METTL8: variants seen among roughly 807,000 people sequenced by gnomAD.
The protein encoded by METTL8 is methyltransferase 8, tRNA N3-cytidine.
A neutral mutation model predicts 48.7 loss-of-function variants in METTL8; 32 were observed. That is an observed-to-expected ratio of 0.66 (90% CI 0.50 to 0.88). The LOEUF (loss-of-function observed/expected upper bound fraction) is 0.88. Among genes scored for constraint, METTL8 ranks in the 40% least tolerant of loss-of-function variants. METTL8 has a pLI of 0.00. For synonymous variants in METTL8, 136 were observed against 157.1 expected (o/e 0.87, Z 1.01); for missense variants, 464 against 474.4 (o/e 0.98, Z 0.20).
At chr2:171,369,856 A>T (rs1686125029) in intron 2 of METTL8, among the ~76,000 whole-genome samples, 1 of 152,190 alleles carries the variant, frequency 6.6e-6, no homozygotes, top group Admixed American at 6.5e-5. Flanking sequence ...TCATGAGGTC[A>T]GGAGTTCAAG....
At chr2:171,377,500 C>G (rs540630454) in intron 2 of METTL8, among the ~76,000 whole-genome samples, 2 of 152,106 alleles carry the variant, frequency 1.3e-5, no homozygotes, top group South Asian at 4.1e-4. Context: ...TGACAAAGGA[C>G]TAATATCCAG....
At position 171,392,091 on chromosome 2, in the gene METTL8, C is replaced by T. The variant is rs1413502482; in HGVS notation, c.95G>A (p.Gly32Glu). ...QSGYHPVAPL[G>E]SRILTDPAKV... ...GGCTGGGTCAGTTAAAATCCTTGAT[C>T]CCAGAGGGGCCACTGGGTGGTAACC... The change falls in exon 2 of 10, where the codon GGA (glycine) becomes GAA (glutamate). Residue 32 changes from glycine to glutamate, a missense_variant. By Grantham distance (98) the Gly-to-Glu change is moderately conservative (BLOSUM62 -2). Transcript: ENST00000375258. 6.4e-7 allele frequency: 1 copy of T among 1,551,632 alleles called. No individual in the cohort carries two copies. The highest frequency in any genetic ancestry group is 8.7e-7 in the Non-Finnish European group (1 of 1,146,940).
chr2:171,434,568 C>T (rs1215507801), upstream of METTL8: 1 of 1,526,046 alleles, frequency 6.6e-7, no homozygotes, highest in Non-Finnish European at 8.8e-7. Flanking sequence ...AGGGCCCGGC[C>T]CGCGCCTCCA....
chr2:171,330,977 G>C (rs1685468417), intron 6 of METTL8, among the ~76,000 whole-genome samples: 1 of 152,124 alleles, frequency 6.6e-6, no homozygotes, highest in African/African-American at 2.4e-5. Context: ...AGACAGTGTT[G>C]TTAGAGGCCT....
chr2:171,327,730 G>A (rs1190024460), intron 7 of METTL8, among the ~76,000 whole-genome samples: 1 of 151,994 alleles, frequency 6.6e-6, no homozygotes, highest in Non-Finnish European at 1.5e-5. Context: ...AGCACATAAG[G>A]ACATAAAAGA....
At chr2:171,329,522 C>T (rs1158841621) in intron 7 of METTL8, among the ~76,000 whole-genome samples, 1 of 152,252 alleles carries the variant, frequency 6.6e-6, no homozygotes, top group African/African-American at 2.4e-5. Context: ...ACAGTCTAAA[C>T]AGATTAGCAG....
chr2:171,417,033 T>C (rs1163324255), intron 1 of METTL8, among the ~76,000 whole-genome samples: 1 of 152,252 alleles, frequency 6.6e-6, no homozygotes, highest in Non-Finnish European at 1.5e-5. Context: ...AGGCAGTGCT[T>C]TTCCCAAAAA....
chr2:171,343,879 C>T (rs1170563940), intron 3 of METTL8, among the ~76,000 whole-genome samples: 1 of 152,156 alleles, frequency 6.6e-6, no homozygotes. Context: ...TGAGTCTGTA[C>T]TACTGTTTTA....
intron 3 of METTL8, among the ~76,000 whole-genome samples, chr2:171,352,331 A>G (rs1203710092): frequency 6.6e-6 from 1 of 152,154 alleles, no homozygotes; most frequent in Admixed American, 6.5e-5. Context: ...ATGGTGGATA[A>G]GCTTTTTGAT....
chr2:171,370,558 G>A (rs1276473771), intron 2 of METTL8, among the ~76,000 whole-genome samples: 4 of 152,108 alleles, frequency 2.6e-5, no homozygotes, highest in East Asian at 1.9e-4. Flanking sequence ...TTGGGAGGCC[G>A]AGGTGGGCAG....
intron 1 of METTL8, among the ~76,000 whole-genome samples, chr2:171,411,312 A>G (rs768540482): frequency 5.3e-5 from 8 of 152,242 alleles, no homozygotes; most frequent in Non-Finnish European, 1.2e-4. Flanking sequence ...GTTCATCTGG[A>G]CAAATAAACA....
intron 1 of METTL8, among the ~76,000 whole-genome samples, chr2:171,433,521 G>A (rs1322676017): frequency 2.6e-5 from 4 of 152,198 alleles, no homozygotes; most frequent in Non-Finnish European, 5.9e-5. Context: ...CTTGCTGAAA[G>A]TTTAGTGTGC....
At chr2:171,337,962 CT>C in intron 4 of METTL8, among the ~76,000 whole-genome samples, 1 of 152,252 alleles carries the variant, frequency 6.6e-6, no homozygotes, top group Middle Eastern at 3.4e-3. Flanking sequence ...TAAAATAATA[CT>C]TCAATCAATG....
At chr2:171,400,454 C>G (rs371460031) in intron 1 of METTL8, among the ~76,000 whole-genome samples, 1 of 152,238 alleles carries the variant, frequency 6.6e-6, no homozygotes, top group African/African-American at 2.4e-5. Flanking sequence ...TTCCTTCTCT[C>G]CCTTCATCTC....
At chr2:171,399,540 T>G (rs1430114382) in intron 1 of METTL8, among the ~76,000 whole-genome samples, 1 of 152,128 alleles carries the variant, frequency 6.6e-6, no homozygotes, top group African/African-American at 2.4e-5. Flanking sequence ...AGCAGCAGCC[T>G]TGATACAGAA....
intron 5 of METTL8, among the ~76,000 whole-genome samples, chr2:171,333,085 C>CT (rs760388577): frequency 3.0e-4 from 42 of 140,794 alleles, no homozygotes; most frequent in Non-Finnish European, 4.3e-4. Context: ...AGGTTATACT[C>CT]TTTTTTTTTC....
intron 7 of METTL8, among the ~76,000 whole-genome samples, chr2:171,329,130 C>T (rs189060439): frequency 3.3e-5 from 5 of 152,022 alleles, no homozygotes; most frequent in African/African-American, 4.8e-5. Flanking sequence ...GGATTATAGG[C>T]GCCCACCACC....
At chr2:171,434,346 C>T (rs1007006126), upstream of METTL8, 50 of 747,994 alleles carry the variant, frequency 6.7e-5, no homozygotes, top group Admixed American at 4.5e-4. Flanking sequence ...TGGGGCAGAT[C>T]GAAAAGGGAG....
intron 2 of METTL8, among the ~76,000 whole-genome samples, chr2:171,381,780 C>CTT (rs35185395): frequency 6.2e-4 from 78 of 125,656 alleles, no homozygotes; most frequent in African/African-American, 7.9e-4. Flanking sequence ...ATTAGGAACA[C>CTT]TTTTTTTTTT....
Sources: allele counts gnomAD v4.1 joint callset (sites outside exome capture counted in the v4.1 genomes callset), GRCh38; gene constraint gnomAD v4.1.1; transcripts MANE v1.5; gene names NCBI Gene and HGNC (gene_info 2026-07-23, HGNC 2026-07-21).